MGMT: variants seen among roughly 807,000 people sequenced by gnomAD.
The protein encoded by MGMT is methylated-DNA--protein-cysteine methyltransferase.
Under a neutral mutation model 15.9 loss-of-function variants are expected in MGMT, and 14 were observed. The ratio of observed to expected loss-of-function variants is 0.88; its 90% CI spans 0.58 to 1.37. MGMT has a LOEUF of 1.37. MGMT is among the 40% of genes most tolerant of loss of function. MGMT has a pLI of 0.00. For missense variants in MGMT, 282 were observed against 268.1 expected (o/e 1.05, Z -0.36); for synonymous variants, 130 against 118.2 (o/e 1.10, Z -0.65).
intron 3 of MGMT, among the ~76,000 whole-genome samples, chr10:129,742,457 CG>C (rs1564781879): frequency 2.0e-5 from 3 of 149,944 alleles, no homozygotes; most frequent in Non-Finnish European, 4.5e-5. Flanking sequence ...TCCTCAGGGC[CG>C]GGGCATTCAG....
intron 3 of MGMT, among the ~76,000 whole-genome samples, chr10:129,723,005 CAAAAAAAA>C (rs3039560): frequency 1.0e-4 from 6 of 60,272 alleles, no homozygotes; most frequent in African/African-American, 3.3e-4. Context: ...GACTCTATCA[CAAAAAAAA>C]AAAAAAAAAA....
intron 4 of MGMT, among the ~76,000 whole-genome samples, chr10:129,760,876 A>G (rs6482754): frequency 0.94 from 143,720 of 152,272 alleles, 67,909 homozygotes; most frequent in East Asian, 1. Context: ...GGCGCAATTG[A>G]CCCTTCCTTT....
In MGMT at chr10:129,707,929, G is replaced by A. The variant is rs1211030036; in HGVS notation, c.160G>A (p.Gly54Arg). The A allele has an allele frequency of 5.6e-6, 9 of 1,612,326 alleles. No individual in the cohort carries two copies. Among genetic ancestry groups the A allele is most frequent in the Middle Eastern group, 1.7e-4 (1 of 6,006 alleles). The change falls in exon 3 of 5, where the codon GGA becomes AGA. Residue 54 changes from glycine to arginine, a missense_variant. Gly to Arg is a moderately radical substitution (Grantham distance 125). Transcript: ENST00000651593. ...VEVPAPAAVL[G>R]GPEPLMQCTA... ...GGTCCCAGCCCCCGCTGCGGTTCTC[G>A]GAGGTCCGGAGCCCCTGATGCAGTG...
chr10:129,484,431 A>G (rs1326791956), intron 1 of MGMT, among the ~76,000 whole-genome samples: 6 of 152,176 alleles, frequency 3.9e-5, no homozygotes, highest in Admixed American at 2.0e-4. Flanking sequence ...TAGAGACTGC[A>G]TTTTACATCT....
At chr10:129,748,127 T>G (rs2133177347) in intron 3 of MGMT, among the ~76,000 whole-genome samples, 1 of 152,288 alleles carries the variant, frequency 6.6e-6, no homozygotes, top group African/African-American at 2.4e-5. Context: ...CCTAACACAC[T>G]TAGGAATGGG....
chr10:129,500,806 C>T (rs1485209282), intron 1 of MGMT, among the ~76,000 whole-genome samples: 1 of 152,200 alleles, frequency 6.6e-6, no homozygotes, highest in African/African-American at 2.4e-5. Context: ...CCGCCTTAGC[C>T]TCCCACAGTG....
intron 2 of MGMT, among the ~76,000 whole-genome samples, chr10:129,661,187 T>C (rs1056368008): frequency 6.6e-6 from 1 of 152,238 alleles, no homozygotes; most frequent in African/African-American, 2.4e-5. Flanking sequence ...TTTCCCACTT[T>C]GAGTGGAAAT....
chr10:129,545,349 A>G (rs897062677), intron 2 of MGMT, among the ~76,000 whole-genome samples: 7 of 152,220 alleles, frequency 4.6e-5, no homozygotes, highest in African/African-American at 1.7e-4. Context: ...TGGGGGCCTG[A>G]GTGCCAGTGT....
At chr10:129,472,368 A>T (rs1010593581) in intron 1 of MGMT, among the ~76,000 whole-genome samples, 3 of 152,048 alleles carry the variant, frequency 2.0e-5, no homozygotes, top group Non-Finnish European at 4.4e-5. Context: ...ATATTTTTTT[A>T]AAAGTAAAAT....
At chr10:129,748,269 T>C (rs1199728338) in intron 3 of MGMT, among the ~76,000 whole-genome samples, 2 of 152,192 alleles carry the variant, frequency 1.3e-5, no homozygotes, top group African/African-American at 4.8e-5. Context: ...GGGATATTGA[T>C]ATTTTGGGTT....
chr10:129,757,757 C>T (rs191763333), intron 3 of MGMT, among the ~76,000 whole-genome samples: 3 of 152,270 alleles, frequency 2.0e-5, no homozygotes, highest in Non-Finnish European at 4.4e-5. Context: ...TCCACCACCC[C>T]GCCAGCCATC....
intron 3 of MGMT, among the ~76,000 whole-genome samples, chr10:129,742,310 C>T (rs1319299695): frequency 6.6e-6 from 1 of 152,234 alleles, no homozygotes; most frequent in African/African-American, 2.4e-5. Flanking sequence ...TCTCCAGTAA[C>T]TCTACCATCC....
rs1846221581 is a variant in MGMT, at chr10:129,556,996, T to C, written c.125+20619T>C. On this transcript the variant is annotated intron_variant, in intron 2 of 4. Coordinates refer to ENST00000651593, the MANE Select transcript of MGMT (RefSeq NM_002412.5). The surrounding 1 kb of genome is among the most constrained non-coding windows in gnomAD (Gnocchi z 4.3). ...TGCGGTGGCGTGTCCCTTCTGTAAA[T>C]TGCTGTGACCTGGGCTGCATGCTCC... Among the ~76,000 whole-genome samples the C allele has an allele frequency of 6.6e-6, 1 of 152,164 alleles. No individual in the cohort carries two copies. Among genetic ancestry groups the C allele is most frequent in the African/African-American group, 2.4e-5 (1 of 41,434 alleles).
At chr10:129,722,409 T>C (rs1848382514) in intron 3 of MGMT, among the ~76,000 whole-genome samples, 1 of 152,196 alleles carries the variant, frequency 6.6e-6, no homozygotes, top group African/African-American at 2.4e-5. Context: ...TCTTTATTAG[T>C]TATTGGAAGA....
chr10:129,475,276 G>A (rs980241688), intron 1 of MGMT, among the ~76,000 whole-genome samples: 1 of 152,134 alleles, frequency 6.6e-6, no homozygotes, highest in African/African-American at 2.4e-5. Flanking sequence ...GTTAAAGCCA[G>A]GGTCTCAGCC....
chr10:129,536,926 G>T (rs1845991089), intron 2 of MGMT: 1 of 152,160 alleles, frequency 6.6e-6, no homozygotes, highest in South Asian at 2.1e-4. Flanking sequence ...GCCCTGCCAG[G>T]GGGAAGGGCC....
At chr10:129,526,460 A>G (rs753757265) in intron 1 of MGMT, among the ~76,000 whole-genome samples, 2 of 152,116 alleles carry the variant, frequency 1.3e-5, no homozygotes, top group East Asian at 1.9e-4. Flanking sequence ...CCAGGCCACA[A>G]GGGACCTGGG....
chr10:129,569,170 G>A (rs961994403), intron 2 of MGMT, among the ~76,000 whole-genome samples: 16 of 152,148 alleles, frequency 1.1e-4, no homozygotes, highest in Admixed American at 2.0e-4. Context: ...TTCCTCCTCT[G>A]CTAATGCGGC....
chr10:129,662,706 A>G (rs1274867587), intron 2 of MGMT, among the ~76,000 whole-genome samples: 3 of 152,098 alleles, frequency 2.0e-5, no homozygotes, highest in Non-Finnish European at 4.4e-5. Context: ...ACAGTGATTC[A>G]CAAGGGAAGG....
Sources: allele counts gnomAD v4.1 joint callset (sites outside exome capture counted in the v4.1 genomes callset), GRCh38; gene constraint gnomAD v4.1.1; non-coding constraint Gnocchi (gnomAD v3.1); transcripts MANE v1.5; gene names NCBI Gene and HGNC (gene_info 2026-07-23, HGNC 2026-07-21).